Variants in PKHD1 observed in about 807,000 individuals in gnomAD.
PKHD1 encodes the protein PKHD1 ciliary IPT domain containing fibrocystin/polyductin, also known as fibrocystin.
A neutral mutation model predicts 412.0 loss-of-function variants in PKHD1; 291 were observed. That is an observed-to-expected ratio of 0.71 (90% CI 0.64 to 0.78). The LOEUF (loss-of-function observed/expected upper bound fraction) is 0.78. PKHD1 is among the 30% of genes least tolerant of loss of function. The pLI is 0.00. For synonymous variants in PKHD1, 1,777 were observed against 1,821.5 expected (o/e 0.98, Z 0.62); for missense variants, 4,825 against 4,950.7 (o/e 0.97, Z 0.76).
intron 60 of PKHD1, among the ~76,000 whole-genome samples, chr6:51,701,339 G>A (rs556567310): frequency 2.2e-4 from 33 of 152,196 alleles, no homozygotes; most frequent in African/African-American, 7.7e-4. Context: ...CTCTTAGGCT[G>A]CTTGAGTCAT....
chr6:51,693,928 C>T (rs551522815), intron 60 of PKHD1, among the ~76,000 whole-genome samples: 18 of 152,126 alleles, frequency 1.2e-4, no homozygotes, highest in Non-Finnish European at 2.4e-4. Flanking sequence ...TTTTAAGTAG[C>T]TTGCAGAAAG....
chr6:51,740,057 C>T (rs1276770676), intron 60 of PKHD1: 1 of 517,846 alleles, frequency 1.9e-6, no homozygotes, highest in Non-Finnish European at 3.9e-6. Flanking sequence ...CAGATGCCTC[C>T]ATAATCAAAA....
intron 63 of PKHD1, among the ~76,000 whole-genome samples, chr6:51,643,776 C>A (rs1396577012): frequency 6.6e-6 from 1 of 151,952 alleles, no homozygotes; most frequent in Admixed American, 6.6e-5. Context: ...TTGGCTGCAC[C>A]TATCAACTCA....
At chr6:52,009,800 G>T in intron 35 of PKHD1, among the ~76,000 whole-genome samples, 1 of 152,042 alleles carries the variant, frequency 6.6e-6, no homozygotes, top group Non-Finnish European at 1.5e-5. Flanking sequence ...AGGCTAGACC[G>T]AATGACCCTG....
intron 60 of PKHD1, among the ~76,000 whole-genome samples, chr6:51,723,888 A>T (rs1441305442): frequency 6.6e-6 from 1 of 152,164 alleles, no homozygotes; most frequent in Non-Finnish European, 1.5e-5. Context: ...AAATAAATTG[A>T]AAAGCCTTAG....
intron 53 of PKHD1, 95 bp from the exon 54 acceptor site, chr6:51,776,016 T>C (rs1790966450): frequency 2.9e-6 from 2 of 698,924 alleles, no homozygotes; most frequent in Admixed American, 2.0e-5. Flanking sequence ...GCAATGTAGA[T>C]ACTGTGAAGT....
intron 60 of PKHD1, among the ~76,000 whole-genome samples, chr6:51,664,400 T>C (rs1157193993): frequency 6.6e-6 from 1 of 152,214 alleles, no homozygotes; most frequent in Non-Finnish European, 1.5e-5. Flanking sequence ...CTGCTGAAAG[T>C]GTGTGATGCA....
intron 43 of PKHD1, among the ~76,000 whole-genome samples, chr6:51,890,525 G>A (rs1284905315): frequency 6.6e-6 from 1 of 151,572 alleles, no homozygotes; most frequent in Non-Finnish European, 1.5e-5. Context: ...AGCTCCTAGA[G>A]GTGTGCATCT....
intron 60 of PKHD1, among the ~76,000 whole-genome samples, chr6:51,677,877 A>T (rs1009656253): frequency 2.4e-4 from 36 of 152,284 alleles, no homozygotes; most frequent in Non-Finnish European, 2.9e-5. Flanking sequence ...TTCAAAAAAA[A>T]ATCCTTACTT....
chr6:51,732,806 A>C (rs1187977594), intron 60 of PKHD1, among the ~76,000 whole-genome samples: 1 of 152,210 alleles, frequency 6.6e-6, no homozygotes, highest in Non-Finnish European at 1.5e-5. Context: ...ATAGAATTGA[A>C]AGTAGAGTCT....
chr6:51,705,870 A>C (rs1166923573), intron 60 of PKHD1, among the ~76,000 whole-genome samples: 1 of 152,180 alleles, frequency 6.6e-6, no homozygotes, highest in African/African-American at 2.4e-5. Flanking sequence ...GATTAATCAC[A>C]GGTGCTGGCT....
chr6:51,908,474 G>C (rs1782471290), intron 40 of PKHD1, among the ~76,000 whole-genome samples: 1 of 152,108 alleles, frequency 6.6e-6, no homozygotes, highest in African/African-American at 2.4e-5. Context: ...GCTGATGAAT[G>C]GGGAGGATTA....
At chr6:51,950,200 G>A (rs983681445) in intron 36 of PKHD1, among the ~76,000 whole-genome samples, 2 of 54,140 alleles carry the variant, frequency 3.7e-5, no homozygotes, top group African/African-American at 1.4e-4. Flanking sequence ...AGTCAAATGG[G>A]CAATATAGAG....
chr6:51,670,768 G>T (rs1484379718), intron 60 of PKHD1, among the ~76,000 whole-genome samples: 1 of 151,656 alleles, frequency 6.6e-6, no homozygotes, highest in Non-Finnish European at 1.5e-5. Context: ...CTCAGCATTT[G>T]CTTGTCTGTA....
chr6:52,010,450 C>T lies in PKHD1; in HGVS notation c.5610G>A (p.Leu1870=), dbSNP rs1799662157. The T allele has an allele frequency of 6.3e-7, 1 of 1,599,644 alleles. No individual in the cohort carries two copies. Among genetic ancestry groups the T allele is most frequent in the South Asian group, 1.1e-5 (1 of 90,750 alleles). ...TATAGATGAGAACTTCATCTCTTTCCAATTTAGGGCTGAAACGAGAGGGGA... is the reference window on the plus strand; with the variant it reads ...TATAGATGAGAACTTCATCTCTTTCTAATTTAGGGCTGAAACGAGAGGGGA... ...SFSGLFISPK[L]ERDEVLIYNS... The change falls in exon 35 of 67, where the codon TTG becomes TTA. Residue 1870 remains leucine (L), a synonymous_variant. Transcript: ENST00000371117.
intron 52 of PKHD1, among the ~76,000 whole-genome samples, chr6:51,804,130 A>G (rs545254333): frequency 6.6e-6 from 1 of 151,490 alleles, no homozygotes; most frequent in East Asian, 1.9e-4. Flanking sequence ...AAAAAAGACT[A>G]TGTCTGTTTC....
In PKHD1 at chr6:51,659,239, A is replaced by G; in HGVS notation, c.10887T>C (p.Ser3629=). The change falls in exon 61 of 67, where the codon AGT becomes AGC. Residue 3629 remains serine, a synonymous_variant. Transcript: ENST00000371117. The part of the protein sequence containing the change: ...KRNCPTVTCT[S]HYRRVGQRRP... The stretch of plus-strand genomic sequence containing the variant: ...TACGTTGACCAACTCTTCTATAATG[A>G]CTAGTGCAAGTCACAGTAGGGCAAT... 1 of 1,613,814 alleles carries G rather than the reference A, an allele frequency of 6.2e-7. No individual in the cohort carries two copies. Among genetic ancestry groups the G allele is most frequent in the Non-Finnish European group, 8.5e-7 (1 of 1,179,900 alleles).
At chr6:52,055,250 G>T (rs1306534508) in intron 19 of PKHD1, among the ~76,000 whole-genome samples, 2 of 152,178 alleles carry the variant, frequency 1.3e-5, no homozygotes, top group African/African-American at 4.8e-5. Context: ...AGACAGACAT[G>T]GAAGGTACAT....
intron 60 of PKHD1, among the ~76,000 whole-genome samples, chr6:51,676,502 A>G (rs1775877345): frequency 6.6e-6 from 1 of 152,172 alleles, no homozygotes; most frequent in African/African-American, 2.4e-5. Context: ...AATTCATGGT[A>G]AAGTGTAGGA....
Sources: gnomAD v4.1 joint callset for allele counts (sites outside exome capture counted in the v4.1 genomes callset) on GRCh38, gnomAD v4.1.1 for gene constraint, MANE v1.5 for transcripts, NCBI Gene and HGNC (gene_info 2026-07-23, HGNC 2026-07-21) for gene names.